The following LARGE2 variants were observed in gnomAD, a reference collection of about 807,000 sequenced individuals.
LARGE2 encodes the protein xylosyl- and glucuronyltransferase LARGE2.
Under a neutral mutation model 75.3 loss-of-function variants are expected in LARGE2, and 63 were observed. The ratio of observed to expected loss-of-function variants is 0.84; its 90% CI spans 0.68 to 1.03. The LOEUF (loss-of-function observed/expected upper bound fraction) is 1.03. LARGE2 is among the 50% of genes least tolerant of loss of function. The pLI is 0.00. For missense variants in LARGE2, 925 were observed against 980.6 expected (o/e 0.94, Z 0.76); for synonymous variants, 428 against 420.1 (o/e 1.02, Z -0.23).
chr11:45,928,727 G>C lies in LARGE2; in HGVS notation c.2048G>C (p.Arg683Pro). Residue 683 changes from arginine to proline, a missense_variant, in exon 14 of 14, where the codon CGT (arginine) becomes CCT (proline). Physicochemically the swap from Arg to Pro is moderately radical, Grantham distance 103. This residue lies in a region of LARGE2 where 469 missense variants were observed against 503.8 expected (regional missense o/e 0.93). Coordinates refer to ENST00000401752, the MANE Select transcript of LARGE2 (RefSeq NM_001300721.2). ...ISRFRSSPTY[R>P]DCLQALKDEF... ...CGCTTCCGCTCCAGCCCCACCTATCGTGACTGCCTCCAGGCCCTCAAGGAC... is the reference window on the plus strand; with the variant it reads ...CGCTTCCGCTCCAGCCCCACCTATCCTGACTGCCTCCAGGCCCTCAAGGAC... 1 of 1,614,058 alleles carries C rather than the reference G, an allele frequency of 6.2e-7. No individual in the cohort carries two copies. Among genetic ancestry groups the C allele is most frequent in the Non-Finnish European group, 8.5e-7 (1 of 1,180,010 alleles).
chr11:45,926,481 A>T lies in LARGE2; in HGVS notation c.1048A>T (p.Asn350Tyr), dbSNP rs765625429. ...WNSPKKLRVK[N>Y]KHVEFFRNFY... ...CTCACCAAAGAAGCTTCGGGTGAAG[A>T]ACAAGCATGTGGAATTCTTCCGCAA... Residue 350 changes from asparagine to tyrosine, a missense_variant, in exon 9 of 14, where the codon AAC becomes TAC. Asn to Tyr is a moderately radical substitution (Grantham distance 143, BLOSUM62 -2). Around this residue, in one of 3 missense-constraint regions of LARGE2, gnomAD observed 469 missense variants for 503.8 expected, o/e 0.93. Transcript: ENST00000401752. 14 of 1,613,974 alleles carry T rather than the reference A, an allele frequency of 8.7e-6. No individual in the cohort carries two copies. The South Asian group carries it at 1.5e-4, about 18-fold the overall frequency.
In LARGE2 at chr11:45,928,223, T is replaced by C. The variant is rs748504586; in HGVS notation, c.1801T>C (p.Trp601Arg). The change falls in exon 13 of 14, where the codon TGG becomes CGG. Residue 601 changes from tryptophan to arginine, a missense_variant. By Grantham distance (101) the Trp-to-Arg change is moderately radical. This residue lies in a region of LARGE2 where 469 missense variants were observed against 503.8 expected (regional missense o/e 0.93). Coordinates refer to ENST00000401752, the MANE Select transcript of LARGE2 (RefSeq NM_001300721.2). ...RGHAPTDYARWREAQAPYRVQ... is the reference protein window; with the variant it reads ...RGHAPTDYARRREAQAPYRVQ... ...CCACGCACCCACAGACTATGCCCGC[T>C]GGCGGGAGGCTCAGGCCCCGTACCG... is the stretch of plus-strand genomic sequence containing the variant. The C allele has an allele frequency of 3.1e-6, 5 of 1,613,920 alleles. No individual in the cohort carries two copies. In the South Asian group the frequency reaches 5.5e-5, roughly 18 times the overall value.
Position 45,923,053 on chromosome 11 carries a change from C to G in LARGE2, c.171C>G (p.Pro57=). Residue 57 remains proline, a synonymous_variant, in exon 2 of 14, where the codon CCC becomes CCG. Coordinates refer to ENST00000401752, the MANE Select transcript of LARGE2 (RefSeq NM_001300721.2). Reference sequence around the variant, plus strand: ...CCGGCCCGCTCATGCCACGTGTCCCCCCAGACGGGAGGCTGCGGAGAGCCG... The same window carrying G: ...CCGGCCCGCTCATGCCACGTGTCCCGCCAGACGGGAGGCTGCGGAGAGCCG... ...CFPGPLMPRV[P]PDGRLRRAAA... is the part of the protein sequence containing the mutation. The G allele has an allele frequency of 7.1e-7, 1 of 1,417,326 alleles. No homozygotes were observed. The highest frequency in any genetic ancestry group is 1.5e-5 in the African/African-American group (1 of 66,936). 87.8% of individuals were successfully genotyped at this position (1,417,326 alleles called of 1,614,324 possible). A position where few individuals can be genotyped will look rare whatever the true frequency, so the allele number is the denominator to read the frequency against.
chr11:45,924,092 G>T, intron 3 of LARGE2, 62 bp from the exon 4 acceptor site: 1 of 1,587,060 alleles, frequency 6.3e-7, no homozygotes, highest in South Asian at 1.1e-5. Context: ...CCCTCGGGGT[G>T]GGGGCTGTCC....
chr11:45,925,382 G>A (rs905277857), intron 6 of LARGE2, among the ~76,000 whole-genome samples: 3 of 152,240 alleles, frequency 2.0e-5, no homozygotes, highest in African/African-American at 4.8e-5. Context: ...TTGACCAGTC[G>A]CAGTGGCTCA....
intron 10 of LARGE2, 148 bp downstream of exon 10, chr11:45,927,019 G>A (rs1412979208): frequency 4.2e-6 from 4 of 945,886 alleles, no homozygotes; most frequent in Non-Finnish European, 6.1e-6. Flanking sequence ...TGGATATGGT[G>A]GAAAGAGCTT....
chr11:45,927,508 G>A lies in LARGE2; in HGVS notation c.1519G>A (p.Val507Met), dbSNP rs963614275. Reference sequence around the variant, plus strand: ...ATACCCCGTCAACCAGCTTCGCAACGTGGCCTTGGCCCAGGCCCTCACGCC... The same window carrying A: ...ATACCCCGTCAACCAGCTTCGCAACATGGCCTTGGCCCAGGCCCTCACGCC... ...PLYPVNQLRN[V>M]ALAQALTPYV... The change falls in exon 11 of 14, where the codon GTG becomes ATG. Residue 507 changes from valine to methionine, a missense_variant. Coordinates refer to ENST00000401752, the MANE Select transcript of LARGE2 (RefSeq NM_001300721.2). The A allele has an allele frequency of 5.0e-6, 8 of 1,614,074 alleles. No individual in the cohort carries two copies. The highest frequency in any genetic ancestry group is 3.3e-5 in the Admixed American group (2 of 60,010).
chr11:45,926,933 G>A, intron 10 of LARGE2, 62 bp downstream of exon 10: 2 of 1,503,150 alleles, frequency 1.3e-6, no homozygotes, highest in Non-Finnish European at 1.8e-6. Context: ...ACTTCTGAGA[G>A]GAGGTTCCAT....
chr11:45,927,490 G>T lies in LARGE2; in HGVS notation c.1501G>T (p.Val501Phe). The change falls in exon 11 of 14, where the codon GTC (valine) becomes TTC (phenylalanine). Residue 501 changes from valine to phenylalanine, a missense_variant. Val to Phe is a conservative substitution (Grantham distance 50, BLOSUM62 -1). Transcript: ENST00000401752. ...GTACCGTGAGGGGCCCCTATACCCC[G>T]TCAACCAGCTTCGCAACGTGGCCTT... ...VVYREGPLYP[V>F]NQLRNVALAQ... is the part of the protein sequence containing the mutation. The T allele has an allele frequency of 6.2e-7, 1 of 1,614,188 alleles. No individual in the cohort carries two copies. Among genetic ancestry groups the T allele is most frequent in the Non-Finnish European group, 8.5e-7 (1 of 1,180,034 alleles).
At chr11:45,922,416 C>T (rs568252513), upstream of LARGE2, among the ~76,000 whole-genome samples, 1 of 152,046 alleles carries the variant, frequency 6.6e-6, no homozygotes, top group East Asian at 1.9e-4. Flanking sequence ...GGCAGGGGGT[C>T]AGGGCAGGTA....
chr11:45,923,003 C>G lies in LARGE2; in HGVS notation c.121C>G (p.Arg41Gly), dbSNP rs199993922. 6.1e-3 allele frequency: 8,209 copies of G among 1,346,802 alleles called. 34 individuals carry two copies. The highest frequency in any genetic ancestry group is 9.0e-3 in the Admixed American group (238 of 26,444). 83.4% of individuals were successfully genotyped at this position (1,346,802 alleles called of 1,614,324 possible). A position where few individuals can be genotyped will look rare whatever the true frequency, so the allele number is the denominator to read the frequency against. ...GTGTGAGCGCCGCGAGCCTGGCGGG[C>G]GAGCGGGGGCCCCGGGATGCTTCCC... ...LGCERREPGG[R>G]AGAPGCFPGP... Residue 41 changes from arginine to glycine, a missense_variant, in exon 2 of 14, where the codon CGA becomes GGA. Arg to Gly is a moderately radical substitution (Grantham distance 125). Transcript: ENST00000401752.
upstream of LARGE2, chr11:45,922,617 G>A: frequency 1.0e-5 from 3 of 296,006 alleles, no homozygotes; most frequent in East Asian, 1.7e-4. Context: ...CCCCGCTGAG[G>A]TGAAACCTGA....
chr11:45,922,788 G>A (rs2086967233), intron 1 of LARGE2, 33 bp from the exon 2 acceptor site: 2 of 1,036,748 alleles, frequency 1.9e-6, no homozygotes, highest in Non-Finnish European at 2.5e-6. Flanking sequence ...GCCGCCCAGG[G>A]CTGAGTCTCC....
rs201134889 is a variant in LARGE2, at chr11:45,928,161, C to T, written c.1755-16C>T. 1.4e-4 allele frequency: 227 copies of T among 1,613,214 alleles called. No homozygotes were observed. The highest frequency in any genetic ancestry group is 5.1e-4 in the East Asian group (23 of 44,878). On this transcript the variant is annotated splice_polypyrimidine_tract_variant and intron_variant, in intron 12 of 13. Transcript: ENST00000401752. ...TCCTAGCCTCAGCCTGGCTCCCACC[C>T]GACCCTGCTGCACAGGTACCACGAG...
chr11:45,927,554 T>A lies in LARGE2; in HGVS notation c.1565T>A (p.Ile522Asn). 3 of 1,614,096 alleles carry A rather than the reference T, an allele frequency of 1.9e-6. No homozygotes were observed. The highest frequency in any genetic ancestry group is 2.5e-6 in the Non-Finnish European group (3 of 1,180,030). ...ALTPYVFLSD[I>N]DFLPAYSLYD... ...ACGCCTTACGTCTTCCTCAGTGACA[T>A]TGACTTCCTGCCTGCCTATTCTCTC... The change falls in exon 11 of 14, where the codon ATT (isoleucine) becomes AAT (asparagine). Residue 522 changes from isoleucine to asparagine, a missense_variant. Physicochemically the swap from Ile to Asn is moderately radical, Grantham distance 149. Around this residue, in one of 3 missense-constraint regions of LARGE2, gnomAD observed 469 missense variants for 503.8 expected, o/e 0.93. Coordinates refer to ENST00000401752, the MANE Select transcript of LARGE2 (RefSeq NM_001300721.2).
Position 45,926,441 on chromosome 11 carries a change from G to C in LARGE2, c.1009-1G>C, listed in dbSNP as rs1203687025. ...GGCCCCAACACCCTCCTGGGTCCCA[G>C]GTGATCCACTGGAACTCACCAAAGA... On this transcript the variant is annotated splice_acceptor_variant, in intron 8 of 13. Transcript: ENST00000401752. LOFTEE classifies it high-confidence loss of function. 11 of 1,613,922 alleles carry C rather than the reference G, an allele frequency of 6.8e-6. No homozygotes were observed. The highest frequency in any genetic ancestry group is 8.5e-6 in the Non-Finnish European group (10 of 1,180,024).
Position 45,922,734 on chromosome 11 carries a change from G to T in LARGE2, c.-63+6G>T. 1 of 549,500 alleles carries T rather than the reference G, an allele frequency of 1.8e-6. No homozygotes were observed. Among genetic ancestry groups the T allele is most frequent in the Non-Finnish European group, 2.7e-6 (1 of 371,114 alleles). 34.0% of individuals were successfully genotyped at this position (549,500 alleles called of 1,614,324 possible). ...CCCGGGAGCCGCTGGAGCAGGTGAG[G>T]GAGGTGGCTCGGCGCGAGCCGCACA... is the stretch of plus-strand genomic sequence containing the variant. On this transcript the variant is annotated splice_donor_region_variant and intron_variant, in intron 1 of 13. Coordinates refer to ENST00000401752, the MANE Select transcript of LARGE2 (RefSeq NM_001300721.2).
chr11:45,928,047 G>C lies in LARGE2; in HGVS notation c.1732G>C (p.Ala578Pro). Residue 578 changes from alanine (A) to proline (P), a missense_variant, in exon 12 of 14, where the codon GCG (alanine) becomes CCG (proline). Transcript: ENST00000401752. ...SKVELLALLD[A>P]GTLYTFRYHE... ...GGTGGAGCTGTTGGCCTTGCTGGAT[G>C]CGGGCACTCTCTACACCTTCAGGTA... is the stretch of plus-strand genomic sequence containing the variant. 9.3e-6 allele frequency: 15 copies of C among 1,613,938 alleles called. No individual in the cohort carries two copies. Among genetic ancestry groups the C allele is most frequent in the Non-Finnish European group, 1.2e-5 (14 of 1,180,026 alleles).
rs1414368186 is a variant in LARGE2, at chr11:45,924,235, G to A, written c.450G>A (p.Val150=). Residue 150 remains valine (V), a synonymous_variant, in exon 4 of 14, where the codon GTG becomes GTA. Transcript: ENST00000401752. ...ILETLFHTWM[V]PAVRVSFYHA... Reference sequence around the variant, plus strand: ...AGACGCTCTTCCACACATGGATGGTGCCTGCTGTCCGTGTCAGCTTTTATC... The same window carrying A: ...AGACGCTCTTCCACACATGGATGGTACCTGCTGTCCGTGTCAGCTTTTATC... 1 of 1,613,556 alleles carries A rather than the reference G, an allele frequency of 6.2e-7. No individual in the cohort carries two copies. The highest frequency in any genetic ancestry group is 1.3e-5 in the African/African-American group (1 of 75,016).
Sources: gnomAD v4.1 joint callset for allele counts (sites outside exome capture counted in the v4.1 genomes callset) on GRCh38, gnomAD v4.1.1 for gene constraint, gnomAD v4.1.1 regional missense constraint, MANE v1.5 for transcripts, NCBI Gene and HGNC (gene_info 2026-07-23, HGNC 2026-07-21) for gene names.